The following TOX3 variants were observed in gnomAD, a reference collection of about 807,000 sequenced individuals.
The protein encoded by TOX3 is TOX high mobility group box family member 3.
Under a neutral mutation model 64.3 loss-of-function variants are expected in TOX3, and 22 were observed. The observed-to-expected ratio is 0.34, with a 90% CI of 0.24 to 0.49. The LOEUF (loss-of-function observed/expected upper bound fraction) is 0.49. TOX3 is among the 20% of genes least tolerant of loss of function. The pLI, the probability that TOX3 is intolerant of heterozygous loss-of-function variation, is 0.99. For missense variants in TOX3, 661 were observed against 714.4 expected (o/e 0.93, Z 0.85); for synonymous variants, 291 against 273.6 (o/e 1.06, Z -0.63).
chr16:52,496,903 A>C (rs942337957), intron 1 of TOX3, among the ~76,000 whole-genome samples: 1 of 109,280 alleles, frequency 9.2e-6, no homozygotes, highest in African/African-American at 5.0e-5. Flanking sequence ...TACCTATGTT[A>C]TTTATTTGTT....
intron 1 of TOX3, among the ~76,000 whole-genome samples, chr16:52,482,937 TAA>T (rs1019139304): frequency 2.0e-5 from 3 of 152,108 alleles, no homozygotes; most frequent in African/African-American, 4.8e-5. Context: ...ATAATAAAAA[TAA>T]GTTAGAGGTA....
At position 52,442,793 on chromosome 16, in the gene TOX3, A is replaced by C. The variant is rs545624562; in HGVS notation, c.987+1483T>G. Among the ~76,000 whole-genome samples, 439 of 152,330 alleles carry C rather than the reference A, an allele frequency of 2.9e-3. 5 individuals carry two copies. The highest frequency in any genetic ancestry group is 0.028 in the South Asian group (133 of 4,824). ...TCAAAGTGCATTTACTGAATTAAAA[A>C]ACAAACAAACCAAACCCTAGTATTT... On this transcript the variant is annotated intron_variant, in intron 6 of 6. Coordinates refer to ENST00000219746, the MANE Select transcript of TOX3 (RefSeq NM_001080430.4).
intron 6 of TOX3, 51 bp from the exon 7 acceptor site, chr16:52,440,019 A>C: frequency 3.6e-6 from 5 of 1,397,204 alleles, no homozygotes; most frequent in Non-Finnish European, 4.8e-6. Context: ...TAAGTATTTA[A>C]AATATTTAAG....
chr16:52,481,013 G>C (rs1008276142), intron 1 of TOX3, among the ~76,000 whole-genome samples: 5 of 151,974 alleles, frequency 3.3e-5, no homozygotes, highest in African/African-American at 1.2e-4. Flanking sequence ...TCACGGGGCG[G>C]CCTCCCACAA....
chr16:52,546,171 G>C (rs534131729), intron 1 of TOX3, among the ~76,000 whole-genome samples: 3 of 152,180 alleles, frequency 2.0e-5, no homozygotes, highest in South Asian at 2.1e-4. Context: ...GTCCGTAAGC[G>C]GCCCCGAGGC....
At chr16:52,474,858 G>A (rs1414791831) in intron 1 of TOX3, among the ~76,000 whole-genome samples, 2 of 152,028 alleles carry the variant, frequency 1.3e-5, no homozygotes, top group Non-Finnish European at 2.9e-5. Context: ...CCTTACAATT[G>A]CCCCATTTCT....
Position 52,464,007 on chromosome 16 carries a change from T to C in TOX3, c.335A>G (p.Asp112Gly), listed in dbSNP as rs970877175. The C allele has an allele frequency of 1.3e-6, 2 of 1,598,564 alleles. No individual in the cohort carries two copies. Among genetic ancestry groups the C allele is most frequent in the African/African-American group, 1.3e-5 (1 of 74,428 alleles). The change falls in exon 3 of 7, where the codon GAC (aspartate) becomes GGC (glycine). Residue 112 changes from aspartate (D) to glycine (G), a missense_variant. This residue lies in a region of TOX3 where 259 missense variants were observed against 261.2 expected (regional missense o/e 0.99). Coordinates refer to ENST00000219746, the MANE Select transcript of TOX3 (RefSeq NM_001080430.4). ...FTPQFPPQSL[D>G]LPSITISRNL... is the part of the protein sequence containing the mutation. ...TCTTGAGATTGTAATGGAAGGGAGG[T>C]CCAGGCTTTGAGGGGGAAACTGGGG... is the stretch of plus-strand genomic sequence containing the variant.
At chr16:52,525,488 G>A (rs531884390) in intron 1 of TOX3, among the ~76,000 whole-genome samples, 4 of 152,250 alleles carry the variant, frequency 2.6e-5, no homozygotes, top group African/African-American at 4.8e-5. Context: ...GAGGGCAAAC[G>A]CTAATTTCAA....
intron 6 of TOX3, among the ~76,000 whole-genome samples, chr16:52,441,827 G>T (rs1482242944): frequency 6.6e-6 from 1 of 152,098 alleles, no homozygotes; most frequent in Non-Finnish European, 1.5e-5. Context: ...CCCCTTCAGT[G>T]GGCAGCTCTC....
rs780946418 is a variant in TOX3, at chr16:52,439,317, T to G, written c.1639A>C (p.Ile547Leu). 2 of 1,613,480 alleles carry G rather than the reference T, an allele frequency of 1.2e-6. No homozygotes were observed. Among genetic ancestry groups the G allele is most frequent in the Non-Finnish European group, 1.7e-6 (2 of 1,179,602 alleles). Residue 547 changes from isoleucine to leucine, a missense_variant, in exon 7 of 7, where the codon ATC becomes CTC. This residue lies in a region of TOX3 where 299 missense variants were observed against 292.1 expected (regional missense o/e 1.02). Coordinates refer to ENST00000219746, the MANE Select transcript of TOX3 (RefSeq NM_001080430.4). Reference sequence around the variant, plus strand: ...TGAGAGGCTGGCTGGGGGCTCCCGATGGCAGGGATGGGGGATGTTATCTGA... The same window carrying G: ...TGAGAGGCTGGCTGGGGGCTCCCGAGGGCAGGGATGGGGGATGTTATCTGA... ...ASQITSPIPAIGSPQPASQQH... is the reference protein window; with the variant it reads ...ASQITSPIPALGSPQPASQQH...
intron 3 of TOX3, among the ~76,000 whole-genome samples, chr16:52,455,166 C>T (rs1395978031): frequency 6.6e-6 from 1 of 152,086 alleles, no homozygotes; most frequent in Non-Finnish European, 1.5e-5. Flanking sequence ...ATATAGTTTC[C>T]TAAATTTTTC....
rs1206792556 is a variant in TOX3 at position 52,546,826 on chromosome 16, G to A, written c.-103C>T. On this transcript the variant is annotated 5_prime_UTR_variant, in exon 1 of 7. Transcript: ENST00000219746. ...TCCACCGTCGAGGGCGCCCGGGGGT[G>A]GCGCGTGGGACTCGCGGCCGGAGGG... is the stretch of plus-strand genomic sequence containing the variant. 6.3e-6 allele frequency: 8 copies of A among 1,266,080 alleles called. No individual in the cohort carries two copies. In the East Asian group the frequency reaches 2.3e-4, roughly 36 times the overall value. The allele number at this position is 1,266,080 out of a possible 1,614,324, so 78.4% of individuals were successfully genotyped here.
chr16:52,473,240 C>T (rs545000201), intron 1 of TOX3, among the ~76,000 whole-genome samples: 7 of 151,994 alleles, frequency 4.6e-5, no homozygotes, highest in Non-Finnish European at 7.4e-5. Context: ...CAGCTTGATG[C>T]GTCCACACAA....
At chr16:52,522,609 T>A (rs1181362776) in intron 1 of TOX3, among the ~76,000 whole-genome samples, 1 of 152,122 alleles carries the variant, frequency 6.6e-6, no homozygotes, top group Non-Finnish European at 1.5e-5. Flanking sequence ...TCTAAGTGTG[T>A]CCTCTGTGTG....
chr16:52,482,011 T>C (rs967036608), intron 1 of TOX3, among the ~76,000 whole-genome samples: 5 of 152,216 alleles, frequency 3.3e-5, no homozygotes, highest in African/African-American at 4.8e-5. Context: ...AGATTTTATA[T>C]CTTATATTTA....
chr16:52,473,087 A>G (rs1384529737), intron 1 of TOX3, among the ~76,000 whole-genome samples: 1 of 152,214 alleles, frequency 6.6e-6, no homozygotes, highest in Non-Finnish European at 1.5e-5. Flanking sequence ...ATTAAGGACC[A>G]TCGTGTCTGT....
chr16:52,521,360 C>A (rs1596855477), intron 1 of TOX3, among the ~76,000 whole-genome samples: 1 of 152,114 alleles, frequency 6.6e-6, no homozygotes, highest in African/African-American at 2.4e-5. Context: ...CTATGCCAAC[C>A]AGCACACCAT....
chr16:52,475,903 A>G (rs1961194047), intron 1 of TOX3, among the ~76,000 whole-genome samples: 1 of 152,198 alleles, frequency 6.6e-6, no homozygotes, highest in South Asian at 2.1e-4. Flanking sequence ...ATGTATTTTT[A>G]ACCAGCTTTG....
chr16:52,491,477 G>A (rs1961685504), intron 1 of TOX3, among the ~76,000 whole-genome samples: 1 of 152,132 alleles, frequency 6.6e-6, no homozygotes, highest in African/African-American at 2.4e-5. Context: ...ATTTAGATTT[G>A]TCAGCAGAAA....
Sources: allele counts gnomAD v4.1 joint callset (sites outside exome capture counted in the v4.1 genomes callset), GRCh38; gene constraint gnomAD v4.1.1; regional missense constraint gnomAD v4.1.1; transcripts MANE v1.5; gene names NCBI Gene and HGNC (gene_info 2026-07-23, HGNC 2026-07-21).